Variants in MTMR8 observed in about 807,000 individuals in gnomAD.
MTMR8 encodes the protein myotubularin related protein 8, also known as phosphatidylinositol-3,5-bisphosphate 3-phosphatase MTMR8.
Under a neutral mutation model 39.3 loss-of-function variants are expected in MTMR8, and 65 were observed. The ratio of observed to expected loss-of-function variants is 1.65; its 90% CI spans 1.35 to 2.03. The LOEUF (loss-of-function observed/expected upper bound fraction) is 2.03, where lower values mean the gene tolerates loss of function less well. Ranked by LOEUF, MTMR8 falls within the 30% of genes most tolerant of loss-of-function variation. MTMR8 has a pLI of 0.00. For missense variants in MTMR8, 777 were observed against 538.9 expected, an observed-to-expected ratio of 1.44 and a Z score of -4.37; for synonymous variants, 245 against 185.2, an observed-to-expected ratio of 1.32 and a Z score of -2.62.
intron 12 of MTMR8, among the ~76,000 whole-genome samples, chrX:64,318,717 T>G (rs1003933228): frequency 2.9e-5 from 3 of 105,241 alleles, no homozygotes; most frequent in Admixed American, 1.0e-4. Context: ...TGTTTTTTTT[T>G]TTTTTTTTGA....
intron 12 of MTMR8, among the ~76,000 whole-genome samples, chrX:64,307,434 G>T (rs1922155510): frequency 9.0e-6 from 1 of 111,638 alleles, no homozygotes; most frequent in South Asian, 3.8e-4. Flanking sequence ...AGAGGGCAAT[G>T]GATTGTTCAG....
intron 1 of MTMR8, among the ~76,000 whole-genome samples, chrX:64,378,062 C>A (rs1467604528): frequency 8.9e-6 from 1 of 111,886 alleles, no homozygotes; most frequent in Non-Finnish European, 1.9e-5. Flanking sequence ...TTTCCTGAGT[C>A]CTTCCCAGCC....
intron 1 of MTMR8, among the ~76,000 whole-genome samples, chrX:64,371,292 A>G (rs987450817): frequency 1.8e-5 from 2 of 112,585 alleles, no homozygotes; most frequent in Non-Finnish European, 3.8e-5. Context: ...GATAATTCAC[A>G]TAAGAGAAAA....
chrX:64,365,718 C>T (rs188150600), intron 1 of MTMR8, among the ~76,000 whole-genome samples: 1 of 111,522 alleles, frequency 9.0e-6, no homozygotes, highest in Non-Finnish European at 1.9e-5. Context: ...AGCAAAATGA[C>T]CAGCTAACAT....
intron 8 of MTMR8, among the ~76,000 whole-genome samples, chrX:64,339,271 C>T (rs1923154969): frequency 1.8e-5 from 2 of 110,704 alleles, no homozygotes; most frequent in Non-Finnish European, 3.8e-5. Context: ...TCAGCCTGTT[C>T]AAAAAAGCCC....
At chrX:64,328,617 G>A in intron 12 of MTMR8, among the ~76,000 whole-genome samples, 155 bp downstream of exon 12, 1 of 111,794 alleles carries the variant, frequency 8.9e-6, no homozygotes, top group East Asian at 2.8e-4. Flanking sequence ...TTGGGCTCTT[G>A]TTTTCAGAAG....
intron 12 of MTMR8, among the ~76,000 whole-genome samples, chrX:64,286,562 A>C (rs1602108063): frequency 8.9e-6 from 1 of 112,282 alleles, no homozygotes; most frequent in East Asian, 2.8e-4. Flanking sequence ...AAAAATCCTC[A>C]ATAAAATACT....
chrX:64,356,180 C>A lies in MTMR8; in HGVS notation c.306G>T (p.Gln102His). 1.7e-6 allele frequency: 2 copies of A among 1,203,363 alleles called. No individual in the cohort carries two copies. The highest frequency in any genetic ancestry group is 2.2e-6 in the Non-Finnish European group (2 of 891,642). Residue 102 changes from glutamine (Q) to histidine (H), a missense_variant, in exon 3 of 14, where the codon CAG (glutamine) becomes CAT (histidine). Physicochemically the swap from Gln to His is conservative, Grantham distance 24. Coordinates refer to ENST00000374852, the MANE Select transcript of MTMR8 (RefSeq NM_017677.4). ...EVYISLLKLS[Q>H]PALPEDLYAF... ...TAAAAATACTATCATAACTACCTGG[C>A]TGAGAAAGCTTGAGCAGTGAAATAT...
In MTMR8 at chrX:64,371,581, C is replaced by G. The variant is rs1602152910; in HGVS notation, c.25-12054G>C. On this transcript the variant is annotated intron_variant, in intron 1 of 13. Transcript: ENST00000374852. ...CTCAGAAATGTATCTTTATACATAG[C>G]TGATTGCAATGCTATATCACTTTTA... 3.6e-5 allele frequency among the ~76,000 whole-genome samples: 4 copies of G among 111,009 alleles called. No individual in the cohort carries two copies. The East Asian group carries it at 8.5e-4, about 24-fold the overall frequency.
chrX:64,302,906 C>G (rs936927872), intron 12 of MTMR8, among the ~76,000 whole-genome samples: 1 of 112,384 alleles, frequency 8.9e-6, no homozygotes, highest in African/African-American at 3.2e-5. Flanking sequence ...TCAGCTCCGT[C>G]TCCTTCATGA....
chrX:64,286,765 C>T (rs1250816385), intron 12 of MTMR8, among the ~76,000 whole-genome samples: 4 of 111,581 alleles, frequency 3.6e-5, no homozygotes, highest in Non-Finnish European at 7.5e-5. Context: ...TTCAACAGCC[C>T]TTCATGCTAA....
chrX:64,344,993 A>G (rs1923311701), intron 7 of MTMR8, 52 bp downstream of exon 7: 1 of 1,177,292 alleles, frequency 8.5e-7, no homozygotes, highest in Admixed American at 2.3e-5. Context: ...TTCTGCTTAC[A>G]TGATAACGCA....
intron 12 of MTMR8, among the ~76,000 whole-genome samples, chrX:64,302,968 G>C (rs745529340): frequency 1.6e-4 from 18 of 112,394 alleles, no homozygotes; most frequent in Non-Finnish European, 3.0e-4. Flanking sequence ...CTATACCAGA[G>C]AGTCTGGATG....
intron 12 of MTMR8, among the ~76,000 whole-genome samples, chrX:64,316,349 C>T (rs1032490038): frequency 8.9e-6 from 1 of 112,054 alleles, no homozygotes; most frequent in Non-Finnish European, 1.9e-5. Context: ...TCCTTCATTC[C>T]TAAAGAATAT....
chrX:64,343,784 G>A, intron 7 of MTMR8, 64 bp from the exon 8 acceptor site: 1 of 773,338 alleles, frequency 1.3e-6, no homozygotes, highest in Non-Finnish European at 1.9e-6. Flanking sequence ...ATTAAGGGGA[G>A]AAAGTGGATC....
At chrX:64,274,566 G>T (rs1007342722) in intron 12 of MTMR8, among the ~76,000 whole-genome samples, 1 of 111,749 alleles carries the variant, frequency 8.9e-6, no homozygotes, top group Non-Finnish European at 1.9e-5. Context: ...TCTGGGTAGA[G>T]GAACTGAAAT....
At chrX:64,296,850 G>A (rs1422399285) in intron 12 of MTMR8, among the ~76,000 whole-genome samples, 19 of 100,035 alleles carry the variant, frequency 1.9e-4, no homozygotes, top group African/African-American at 5.5e-4. Flanking sequence ...TTGTTCTTGC[G>A]ATAGTTTACT....
At chrX:64,371,759 G>T (rs967820040) in intron 1 of MTMR8, among the ~76,000 whole-genome samples, 1 of 110,766 alleles carries the variant, frequency 9.0e-6, no homozygotes, top group Admixed American at 9.7e-5. Context: ...GAGAAAACTA[G>T]AAATACCTGT....
intron 1 of MTMR8, among the ~76,000 whole-genome samples, chrX:64,388,941 A>G (rs1048642748): frequency 8.9e-6 from 1 of 112,108 alleles, no homozygotes; most frequent in Non-Finnish European, 1.9e-5. Flanking sequence ...ATAGTTTAGG[A>G]AATGCTAGTA....
Sources: allele counts gnomAD v4.1 joint callset (sites outside exome capture counted in the v4.1 genomes callset), GRCh38; gene constraint gnomAD v4.1.1; transcripts MANE v1.5; gene names NCBI Gene and HGNC (gene_info 2026-07-23, HGNC 2026-07-21).